Variants in FARP1 observed in about 807,000 individuals in gnomAD.
FARP1 encodes FERM, ARHGEF and pleckstrin domain-containing protein 1.
Under a neutral mutation model 128.8 loss-of-function variants are expected in FARP1, and 52 were observed. That is an observed-to-expected ratio of 0.40 (90% CI 0.32 to 0.51). FARP1 has a LOEUF of 0.51. Ranked by LOEUF, FARP1 falls within the 20% of genes least tolerant of loss-of-function variation. The probability of loss-of-function intolerance (pLI) is 0.45; values close to 1 mark genes in which losing one functional copy is unlikely to be tolerated. For synonymous variants in FARP1, 580 were observed against 551.8 expected, an observed-to-expected ratio of 1.05 and a Z score of -0.72; for missense variants, 1,333 against 1,367.9, an observed-to-expected ratio of 0.97 and a Z score of 0.40.
intron 16 of FARP1, among the ~76,000 whole-genome samples, chr13:98,415,085 C>T (rs1481664557): frequency 6.6e-6 from 1 of 152,192 alleles, no homozygotes; most frequent in East Asian, 1.9e-4. Flanking sequence ...AGGGGTGCTC[C>T]AGCAGAAACT....
intron 3 of FARP1, among the ~76,000 whole-genome samples, chr13:98,355,693 C>T (rs928296361): frequency 5.3e-5 from 8 of 152,064 alleles, no homozygotes; most frequent in Non-Finnish European, 1.2e-4. Flanking sequence ...AAAAATTTTC[C>T]GTATTTGAAT....
chr13:98,349,127 T>C (rs1204951054), intron 3 of FARP1, among the ~76,000 whole-genome samples: 2 of 152,258 alleles, frequency 1.3e-5, no homozygotes, highest in Non-Finnish European at 2.9e-5. Flanking sequence ...GTGGCTTGCA[T>C]ATCTGTTTAA....
intron 1 of FARP1, 76 bp from the exon 2 acceptor site, chr13:98,213,143 TG>T: frequency 1.7e-6 from 2 of 1,186,980 alleles, no homozygotes; most frequent in Non-Finnish European, 2.4e-6. Flanking sequence ...CCCACCTGGG[TG>T]GGGTTCAAGG....
At chr13:98,245,421 A>G (rs895569400) in intron 2 of FARP1, 1 of 826,594 alleles carries the variant, frequency 1.2e-6, no homozygotes, top group African/African-American at 1.8e-5. Flanking sequence ...TTATGTGACA[A>G]AATCATACAC....
At chr13:98,363,903 A>G (rs1888977063) in intron 3 of FARP1, among the ~76,000 whole-genome samples, 1 of 152,070 alleles carries the variant, frequency 6.6e-6, no homozygotes, top group Non-Finnish European at 1.5e-5. Flanking sequence ...CACTGTGCCC[A>G]GCTAATTTTT....
intron 2 of FARP1, among the ~76,000 whole-genome samples, chr13:98,263,875 T>G (rs1217609243): frequency 6.6e-6 from 1 of 152,204 alleles, no homozygotes; most frequent in Non-Finnish European, 1.5e-5. Flanking sequence ...CCAACAACAT[T>G]TTATTAGTTT....
intron 3 of FARP1, among the ~76,000 whole-genome samples, chr13:98,347,842 C>A (rs1888244678): frequency 6.6e-6 from 1 of 152,176 alleles, no homozygotes; most frequent in Non-Finnish European, 1.5e-5. Context: ...AGGGCTGTAA[C>A]AACTGGGTTC....
intron 2 of FARP1, among the ~76,000 whole-genome samples, chr13:98,287,206 GTCTTTTTTTTTT>G (rs1885215988): frequency 1.1e-5 from 1 of 87,756 alleles, no homozygotes; most frequent in African/African-American, 4.7e-5. Flanking sequence ...CATCAGACAT[GTCTTTTTTTTTT>G]TTTTTTTTTT....
intron 2 of FARP1, among the ~76,000 whole-genome samples, chr13:98,299,252 A>G (rs1885824368): frequency 6.6e-6 from 1 of 152,164 alleles, no homozygotes; most frequent in South Asian, 2.1e-4. Context: ...TTTTTTTGGC[A>G]TAGGGTGTTT....
At chr13:98,360,727 C>T (rs538031209) in intron 3 of FARP1, among the ~76,000 whole-genome samples, 1 of 152,286 alleles carries the variant, frequency 6.6e-6, no homozygotes, top group African/African-American at 2.4e-5. Flanking sequence ...TAAGCAGGTG[C>T]ATCTTTGAAT....
Position 98,411,896 on chromosome 13 carries a change from T to G in FARP1, c.1693-5T>G. On this transcript the variant is annotated splice_polypyrimidine_tract_variant and splice_region_variant and intron_variant, in intron 15 of 26. Transcript: ENST00000319562. The stretch of plus-strand genomic sequence containing the variant: ...CCCGTAAGTGCATCGTCTTCTTCTT[T>G]CCAGTGGTTTCAGAGCACAGTGAGC... 6.2e-7 allele frequency: 1 copy of G among 1,613,684 alleles called. No homozygotes were observed. Among genetic ancestry groups the G allele is most frequent in the South Asian group, 1.1e-5 (1 of 90,994 alleles).
intron 2 of FARP1, among the ~76,000 whole-genome samples, chr13:98,214,431 C>T (rs1303562922): frequency 2.0e-5 from 3 of 152,082 alleles, no homozygotes; most frequent in Non-Finnish European, 4.4e-5. Flanking sequence ...TCTTGAATTC[C>T]AAGCAGCCAA....
chr13:98,297,638 G>T (rs1885755754), intron 2 of FARP1, among the ~76,000 whole-genome samples: 2 of 152,168 alleles, frequency 1.3e-5, no homozygotes, highest in African/African-American at 4.8e-5. Context: ...ACTACTGTGG[G>T]AAGGAGGACA....
chr13:98,270,037 G>A (rs1186286863), intron 2 of FARP1, among the ~76,000 whole-genome samples: 7 of 152,130 alleles, frequency 4.6e-5, no homozygotes, highest in South Asian at 2.1e-4. Flanking sequence ...CCTGAGAGGC[G>A]GAGGTTGCAG....
intron 2 of FARP1, among the ~76,000 whole-genome samples, chr13:98,309,678 A>G (rs2139737918): frequency 6.6e-6 from 1 of 152,316 alleles, no homozygotes; most frequent in South Asian, 2.1e-4. Flanking sequence ...GAGTTGCCAT[A>G]TTTGGCAGAA....
chr13:98,173,837 C>T (rs537232274), intron 1 of FARP1, among the ~76,000 whole-genome samples: 114 of 152,342 alleles, frequency 7.5e-4, no homozygotes, highest in Non-Finnish European at 1.3e-3. Flanking sequence ...GCTGGCCCCA[C>T]ACTGCTCTTC....
intron 2 of FARP1, among the ~76,000 whole-genome samples, chr13:98,243,439 T>A (rs147796483): frequency 0.01 from 1,538 of 152,038 alleles, 15 homozygotes; most frequent in Non-Finnish European, 0.014. Context: ...CTCACGCCTG[T>A]AATCCCAGCA....
intron 2 of FARP1, among the ~76,000 whole-genome samples, chr13:98,265,562 G>A (rs1320653526): frequency 2.0e-5 from 3 of 151,200 alleles, no homozygotes; most frequent in African/African-American, 4.9e-5. Context: ...CTCGTGATCC[G>A]CCCGCCTTGG....
chr13:98,453,278 T>C lies in FARP1; in HGVS notation c.*4961T>C. The C allele has an allele frequency of 1.3e-6, 2 of 1,496,400 alleles. No homozygotes were observed. Among genetic ancestry groups the C allele is most frequent in the South Asian group, 2.4e-5 (2 of 81,700 alleles). 92.7% of individuals were successfully genotyped at this position (1,496,400 alleles called of 1,614,324 possible). A position where few individuals can be genotyped will look rare whatever the true frequency, so the allele number is the denominator to read the frequency against. ...CATCCCTGTGCAAAAATTCATATAG[T>C]AACCAAAATCTTAGTTTTCATAAGA... is the stretch of plus-strand genomic sequence containing the variant. On this transcript the variant is annotated 3_prime_UTR_variant, in exon 27 of 27. Coordinates refer to ENST00000319562, the MANE Select transcript of FARP1 (RefSeq NM_005766.4).
Sources: allele counts gnomAD v4.1 joint callset (sites outside exome capture counted in the v4.1 genomes callset), GRCh38; gene constraint gnomAD v4.1.1; transcripts MANE v1.5; gene names NCBI Gene and HGNC (gene_info 2026-07-23, HGNC 2026-07-21).